Variants in CTCF observed in about 807,000 individuals in gnomAD.
CTCF encodes the protein transcriptional repressor CTCF.
A neutral mutation model predicts 72.3 loss-of-function variants in CTCF; 7 were observed. The observed-to-expected ratio is 0.10, with a 90% confidence interval of 0.06 to 0.18. The LOEUF (loss-of-function observed/expected upper bound fraction) is 0.18, where lower values mean the gene tolerates loss of function less well. Ranked by LOEUF, CTCF falls within the 10% of genes least tolerant of loss-of-function variation. CTCF has a pLI of 1.00. For missense variants in CTCF, 516 were observed against 949.1 expected (o/e 0.54, Z 6.00); for synonymous variants, 374 against 315.8 (o/e 1.18, Z -1.95).
At chr16:67,583,408 C>T (rs1406583660) in intron 2 of CTCF, among the ~76,000 whole-genome samples, 4 of 152,006 alleles carry the variant, frequency 2.6e-5, no homozygotes, top group African/African-American at 9.7e-5. Flanking sequence ...TATATCTAGC[C>T]AGGCGCGGTG....
chr16:67,572,187 G>A (rs1176146145), intron 2 of CTCF, among the ~76,000 whole-genome samples: 1 of 152,136 alleles, frequency 6.6e-6, no homozygotes, highest in Non-Finnish European at 1.5e-5. Context: ...TGAAAGTTCT[G>A]TTATTCTTCA....
At chr16:67,583,948 T>C (rs1342604131) in intron 2 of CTCF, among the ~76,000 whole-genome samples, 1 of 152,174 alleles carries the variant, frequency 6.6e-6, no homozygotes, top group African/African-American at 2.4e-5. Context: ...ATTAGTGGTG[T>C]GCATAGCGAA....
At chr16:67,585,824 T>A (rs1187205234) in intron 2 of CTCF, among the ~76,000 whole-genome samples, 2 of 152,130 alleles carry the variant, frequency 1.3e-5, no homozygotes, top group Non-Finnish European at 2.9e-5. Context: ...TATTTAAAAA[T>A]TTTTAAGGTT....
At chr16:67,584,651 A>G (rs774817873) in intron 2 of CTCF, among the ~76,000 whole-genome samples, 1 of 151,682 alleles carries the variant, frequency 6.6e-6, no homozygotes, top group Non-Finnish European at 1.5e-5. Flanking sequence ...TTTAAACTGT[A>G]AAGTGGTGAT....
intron 10 of CTCF, among the ~76,000 whole-genome samples, chr16:67,631,157 T>TG (rs1555536259): frequency 2.1e-5 from 3 of 140,616 alleles, no homozygotes; most frequent in African/African-American, 5.7e-5. Context: ...TTTGTTTGTT[T>TG]TTTTTTTGTT....
At chr16:67,606,935 T>C (rs978324684) in intron 2 of CTCF, among the ~76,000 whole-genome samples, 8 of 151,842 alleles carry the variant, frequency 5.3e-5, no homozygotes, top group Non-Finnish European at 2.9e-5. Context: ...CTCAGCTATA[T>C]ATGTTTTATT....
chr16:67,565,499 C>T (rs576168552), intron 1 of CTCF, among the ~76,000 whole-genome samples: 2 of 151,574 alleles, frequency 1.3e-5, no homozygotes, highest in Admixed American at 6.6e-5. Context: ...ACAGTGAAAC[C>T]CTGTCTCTAC....
intron 1 of CTCF, chr16:67,570,740 CT>C (rs760778490): frequency 3.7e-3 from 443 of 119,074 alleles, no homozygotes; most frequent in African/African-American, 0.011. Flanking sequence ...CGCGCCTGGC[CT>C]TTTTTTTTTT....
chr16:67,595,087 T>TC (rs2051793978), intron 2 of CTCF, among the ~76,000 whole-genome samples: 1 of 152,184 alleles, frequency 6.6e-6, no homozygotes, highest in African/African-American at 2.4e-5. Flanking sequence ...CCTGATTCAG[T>TC]CAGCATCACC....
intron 2 of CTCF, among the ~76,000 whole-genome samples, chr16:67,576,867 AT>A (rs1253529424): frequency 6.6e-6 from 1 of 152,302 alleles, no homozygotes; most frequent in Non-Finnish European, 1.5e-5. Context: ...TGTATAAAAA[AT>A]ATGTTGAAAT....
At chr16:67,564,347 C>G (rs1020444378) in intron 1 of CTCF, among the ~76,000 whole-genome samples, 1 of 152,148 alleles carries the variant, frequency 6.6e-6, no homozygotes, top group Admixed American at 6.6e-5. Flanking sequence ...AGGAAGGAAG[C>G]TATGTTAAGT....
At chr16:67,635,729 T>C (rs1270952008) in intron 10 of CTCF, 1 of 151,540 alleles carries the variant, frequency 6.6e-6, no homozygotes, top group Non-Finnish European at 1.5e-5. Context: ...CCTCAGGTGA[T>C]ACACCCACCT....
intron 5 of CTCF, among the ~76,000 whole-genome samples, chr16:67,617,533 T>C (rs1020070910): frequency 9.2e-5 from 14 of 151,702 alleles, no homozygotes; most frequent in African/African-American, 3.2e-4. Context: ...TAAATAAATA[T>C]TAGCTGGGCG....
intron 4 of CTCF, 39 bp downstream of exon 4, chr16:67,612,160 C>T: frequency 6.4e-7 from 1 of 1,570,558 alleles, no homozygotes; most frequent in Non-Finnish European, 8.6e-7. Flanking sequence ...ACAGCAAATG[C>T]TCAGACTTCG....
At chr16:67,628,583 T>G (rs367895118) in intron 9 of CTCF, 31 bp downstream of exon 9, 2 of 1,601,934 alleles carry the variant, frequency 1.2e-6, no homozygotes, top group South Asian at 1.1e-5. Context: ...TTGCCTGTTA[T>G]GATACTGAAT....
intron 2 of CTCF, among the ~76,000 whole-genome samples, chr16:67,591,715 T>C (rs1263685847): frequency 7.2e-6 from 1 of 139,858 alleles, no homozygotes; most frequent in Non-Finnish European, 1.5e-5. Flanking sequence ...AACTGATTAC[T>C]TTTTTTGGGG....
chr16:67,582,230 TTC>T (rs1273053632), intron 2 of CTCF, among the ~76,000 whole-genome samples: 3 of 151,026 alleles, frequency 2.0e-5, no homozygotes, highest in East Asian at 2.0e-4. Flanking sequence ...AAAAAAAATC[TTC>T]TGTTACTTCA....
intron 11 of CTCF, 52 bp downstream of exon 11, chr16:67,636,903 G>C: frequency 4.2e-6 from 6 of 1,416,402 alleles, no homozygotes; most frequent in Non-Finnish European, 5.6e-6. Flanking sequence ...GAGCATGTGG[G>C]GGAGCCAGAT....
chr16:67,626,571 G>A lies in CTCF; in HGVS notation c.1374G>A (p.Lys458=), dbSNP rs752100677. The A allele has an allele frequency of 2.7e-6, 4 of 1,501,542 alleles. No homozygotes were observed. In the Admixed American group the frequency reaches 6.8e-5, roughly 25 times the overall value. 93.0% of individuals were successfully genotyped at this position (1,501,542 alleles called of 1,614,324 possible). ...RKSDLGVHLR[K]QHSYIEQGKK... ...TGCTTTCAGGTGTCCACTTGCGAAA[G>A]CAGCATTCCTATATTGAGCAAGGCA... The change falls in exon 8 of 12, where the codon AAG becomes AAA. Residue 458 remains lysine, a synonymous_variant. Transcript: ENST00000264010.
Sources: gnomAD v4.1 joint callset for allele counts (sites outside exome capture counted in the v4.1 genomes callset) on GRCh38, gnomAD v4.1.1 for gene constraint, MANE v1.5 for transcripts, NCBI Gene and HGNC (gene_info 2026-07-23, HGNC 2026-07-21) for gene names.